The following ROBO2 variants were observed in gnomAD, a reference collection of about 807,000 sequenced individuals.
The protein encoded by ROBO2 is roundabout homolog 2.
Under a neutral mutation model 160.8 loss-of-function variants are expected in ROBO2, and 53 were observed. The ratio of observed to expected loss-of-function variants is 0.33; its 90% CI spans 0.26 to 0.41. The LOEUF (loss-of-function observed/expected upper bound fraction) is 0.41. ROBO2 is among the 10% of genes least tolerant of loss of function. ROBO2 has a pLI of 1.00. For synonymous variants in ROBO2, 664 were observed against 611.7 expected (o/e 1.09, Z -1.26); for missense variants, 1,577 against 1,722.4 (o/e 0.92, Z 1.49).
intron 2 of ROBO2, among the ~76,000 whole-genome samples, chr3:76,962,681 C>T (rs888769594): frequency 7.1e-5 from 10 of 141,758 alleles, no homozygotes; most frequent in African/African-American, 3.1e-4. Context: ...GTGACATGCA[C>T]CTGTGGTACC....
In ROBO2 at chr3:76,110,728, G is replaced by A. The variant is rs188002151; in HGVS notation, c.109+173126G>A. 2.5e-3 allele frequency among the ~76,000 whole-genome samples: 376 copies of A among 152,088 alleles called. 1 individual carries two copies. Among genetic ancestry groups the A allele is most frequent in the African/African-American group, 7.9e-3 (329 of 41,516 alleles). ...AAGGCATTTATGGTACTAATAAAATGTAACATGCTTAAGACAACTAAAAAA... is the reference window on the plus strand; with the variant it reads ...AAGGCATTTATGGTACTAATAAAATATAACATGCTTAAGACAACTAAAAAA... On this transcript the variant is annotated intron_variant, in intron 2 of 26. Transcript: ENST00000487694.
intron 2 of ROBO2, among the ~76,000 whole-genome samples, chr3:76,277,161 C>G (rs1707973799): frequency 6.6e-6 from 1 of 151,636 alleles, no homozygotes; most frequent in African/African-American, 2.4e-5. Flanking sequence ...ATAAGCAATT[C>G]TTTTTTTTAC....
At chr3:77,395,403 T>C (rs981029692) in intron 2 of ROBO2, among the ~76,000 whole-genome samples, 3 of 151,920 alleles carry the variant, frequency 2.0e-5, no homozygotes, top group Non-Finnish European at 2.9e-5. Context: ...TTGGAGGGAG[T>C]AGAAGGAGAT....
At chr3:75,951,154 CT>C (rs987454080) in intron 2 of ROBO2, among the ~76,000 whole-genome samples, 11 of 151,938 alleles carry the variant, frequency 7.2e-5, no homozygotes, top group African/African-American at 2.4e-4. Flanking sequence ...TTTATCCCCC[CT>C]GTATGCGTGT....
At chr3:76,004,216 T>C (rs559768680) in intron 2 of ROBO2, among the ~76,000 whole-genome samples, 1 of 152,254 alleles carries the variant, frequency 6.6e-6, no homozygotes, top group South Asian at 2.1e-4. Flanking sequence ...GAATACAATA[T>C]AGACATATGT....
At chr3:76,995,917 T>C (rs1363452070) in intron 2 of ROBO2, among the ~76,000 whole-genome samples, 7 of 152,178 alleles carry the variant, frequency 4.6e-5, no homozygotes, top group South Asian at 4.1e-4. Flanking sequence ...TTCACTCTGA[T>C]GGTAGTTTCT....
intron 2 of ROBO2, among the ~76,000 whole-genome samples, chr3:76,824,497 T>G (rs959392137): frequency 3.3e-5 from 5 of 152,170 alleles, no homozygotes; most frequent in Non-Finnish European, 5.9e-5. Context: ...TTCATGTGCT[T>G]TCATACTTTT....
intron 2 of ROBO2, among the ~76,000 whole-genome samples, chr3:77,380,033 A>G (rs1335235977): frequency 6.6e-6 from 1 of 152,188 alleles, no homozygotes; most frequent in Non-Finnish European, 1.5e-5. Context: ...CTTAACGGAT[A>G]GTCACTTCTA....
chr3:76,862,041 G>A (rs2070835675), intron 2 of ROBO2, among the ~76,000 whole-genome samples: 1 of 151,942 alleles, frequency 6.6e-6, no homozygotes, highest in South Asian at 2.1e-4. Context: ...ATAAGTTCTG[G>A]CTGTAGTCCA....
chr3:76,873,780 A>G (rs982525125), intron 2 of ROBO2, among the ~76,000 whole-genome samples: 19 of 151,380 alleles, frequency 1.3e-4, no homozygotes, highest in Non-Finnish European at 2.5e-4. Context: ...TTCTCATGAA[A>G]TTTGCTCATT....
intron 2 of ROBO2, among the ~76,000 whole-genome samples, chr3:76,189,568 G>A (rs1209207702): frequency 6.6e-6 from 1 of 151,932 alleles, no homozygotes; most frequent in Non-Finnish European, 1.5e-5. Flanking sequence ...ACAAAACAGG[G>A]TAAAATATAT....
At chr3:76,225,148 C>A (rs1200299893) in intron 2 of ROBO2, among the ~76,000 whole-genome samples, 1 of 152,084 alleles carries the variant, frequency 6.6e-6, no homozygotes, top group East Asian at 1.9e-4. Context: ...ATTATTCACT[C>A]AAGGAACACT....
intron 2 of ROBO2, among the ~76,000 whole-genome samples, chr3:76,399,498 CT>C (rs1459191848): frequency 6.6e-6 from 1 of 151,714 alleles, no homozygotes; most frequent in Admixed American, 6.6e-5. Flanking sequence ...TTTAGTACCC[CT>C]AAGAGCTTTC....
intron 2 of ROBO2, among the ~76,000 whole-genome samples, chr3:77,255,445 G>A (rs1223354393): frequency 6.6e-6 from 1 of 152,180 alleles, no homozygotes; most frequent in Non-Finnish European, 1.5e-5. Flanking sequence ...CCTTGTGGTG[G>A]TATGTATATT....
chr3:76,937,745 A>G (rs2077806362), intron 2 of ROBO2, among the ~76,000 whole-genome samples: 1 of 152,148 alleles, frequency 6.6e-6, no homozygotes, highest in Non-Finnish European at 1.5e-5. Flanking sequence ...ATCAATGCAT[A>G]TCCATGTAAT....
chr3:76,124,567 C>T (rs1396777887), intron 2 of ROBO2, among the ~76,000 whole-genome samples: 3 of 151,956 alleles, frequency 2.0e-5, no homozygotes, highest in East Asian at 1.9e-4. Context: ...TGTTTTTTCT[C>T]GACATCATTT....
intron 2 of ROBO2, among the ~76,000 whole-genome samples, chr3:76,047,610 C>A (rs188840313): frequency 2.6e-5 from 4 of 152,162 alleles, no homozygotes; most frequent in Non-Finnish European, 5.9e-5. Context: ...CAAGCCTCAG[C>A]GATAATTATA....
chr3:77,159,265 A>T (rs1325096145), intron 2 of ROBO2, among the ~76,000 whole-genome samples: 1 of 152,102 alleles, frequency 6.6e-6, no homozygotes, highest in African/African-American at 2.4e-5. Context: ...ATGAAAATTC[A>T]ATTTCCCCCA....
rs139938187 is a variant in ROBO2, at chr3:77,320,527, A to G, written c.389-156887A>G. ...GGGACGCAAATTGCAGTTGCCAGTT[A>G]TATGGTTCTTTGTTTCTCTTTCTAG... On this transcript the variant is annotated intron_variant, in intron 2 of 25. Coordinates refer to ENST00000461745, the Ensembl canonical transcript of ROBO2. Among the ~76,000 whole-genome samples the G allele has an allele frequency of 2.5e-3, 382 of 151,744 alleles. 1 individual carries two copies. Among genetic ancestry groups the G allele is most frequent in the African/African-American group, 8.8e-3 (364 of 41,366 alleles).
Sources: allele counts gnomAD v4.1 joint callset (sites outside exome capture counted in the v4.1 genomes callset), GRCh38; gene constraint gnomAD v4.1.1; transcripts MANE v1.5; gene names NCBI Gene and HGNC (gene_info 2026-07-23, HGNC 2026-07-21).